The following ABHD12 variants were observed in gnomAD, a reference collection of about 807,000 sequenced individuals.
The protein encoded by ABHD12 is lysophosphatidylserine lipase ABHD12.
Under a neutral mutation model 58.3 loss-of-function variants are expected in ABHD12, and 43 were observed. The observed-to-expected ratio is 0.74, with a 90% CI of 0.58 to 0.95. ABHD12 has a LOEUF of 0.95. ABHD12 is among the 40% of genes least tolerant of loss of function. ABHD12 has a pLI of 0.00. For missense variants in ABHD12, 539 were observed against 537.2 expected (o/e 1.00, Z -0.03); for synonymous variants, 219 against 211.2 (o/e 1.04, Z -0.32).
chr20:25,296,496 C>T (rs1442299541), downstream of ABHD12: 3 of 1,613,644 alleles, frequency 1.9e-6, no homozygotes, highest in South Asian at 2.2e-5. Flanking sequence ...CCTGCAGATC[C>T]CGCCCCCCAA....
At chr20:25,343,726 C>T (rs1358652493) in intron 1 of ABHD12, among the ~76,000 whole-genome samples, 1 of 152,092 alleles carries the variant, frequency 6.6e-6, no homozygotes, top group Non-Finnish European at 1.5e-5. Flanking sequence ...ACCTGGGAGG[C>T]GGAGGTTGCA....
rs2089659462 is a variant in ABHD12, at chr20:25,355,765, G to A, written c.192-16414C>T. On this transcript the variant is annotated intron_variant, in intron 1 of 12. Transcript: ENST00000339157. ...GTAGAGACGGGGTTTCACCATGTTG[G>A]CCAGGATGGTCTCAATCTCCTGATC... 3.3e-5 allele frequency among the ~76,000 whole-genome samples: 5 copies of A among 152,256 alleles called. 1 individual carries two copies. Among genetic ancestry groups the A allele is most frequent in the African/African-American group, 1.2e-4 (5 of 41,550 alleles).
chr20:25,314,967 G>T lies in ABHD12; in HGVS notation c.577C>A (p.Leu193Met). 1 of 1,614,214 alleles carries T rather than the reference G, an allele frequency of 6.2e-7. No individual in the cohort carries two copies. Among genetic ancestry groups the T allele is most frequent in the East Asian group, 2.2e-5 (1 of 44,884 alleles). ...ACCACATGGTAACCAAGGGAACTCA[G>T]CACCTGTAAAGTGAAAAATAAACAT... ...GDHRVELYKV[L>M]SSLGYHVVTF... The change falls in exon 6 of 13, where the codon CTG (leucine) becomes ATG (methionine). Residue 193 changes from leucine (L) to methionine (M), a missense_variant. By Grantham distance (15) the Leu-to-Met change is conservative. Coordinates refer to ENST00000339157, the MANE Select transcript of ABHD12 (RefSeq NM_001042472.3).
intron 10 of ABHD12, among the ~76,000 whole-genome samples, chr20:25,304,257 G>A (rs376965852): frequency 5.1e-4 from 78 of 152,378 alleles, no homozygotes; most frequent in African/African-American, 1.6e-3. Flanking sequence ...AGCAGGACCC[G>A]GTGGGGAGCC....
At chr20:25,345,086 C>CTT (rs766065775) in intron 1 of ABHD12, among the ~76,000 whole-genome samples, 8 of 145,314 alleles carry the variant, frequency 5.5e-5, no homozygotes, top group Admixed American at 6.9e-5. Context: ...ATGACGAAGA[C>CTT]TTTTTTTTTT....
At chr20:25,365,069 G>A (rs1243461917) in intron 1 of ABHD12, among the ~76,000 whole-genome samples, 4 of 152,250 alleles carry the variant, frequency 2.6e-5, no homozygotes, top group Non-Finnish European at 5.9e-5. Context: ...AAGGCCTCAT[G>A]TGGCTGGCTG....
chr20:25,361,601 C>A (rs1219873375), intron 1 of ABHD12, among the ~76,000 whole-genome samples: 1 of 152,192 alleles, frequency 6.6e-6, no homozygotes. Flanking sequence ...ATCTTTCCAG[C>A]CAGCTGGTTA....
At chr20:25,389,583 G>A (rs199913693) in intron 1 of ABHD12, among the ~76,000 whole-genome samples, 1 of 152,170 alleles carries the variant, frequency 6.6e-6, no homozygotes, top group Non-Finnish European at 1.5e-5. Context: ...AGATAATTAG[G>A]AAACCAGCAG....
intron 1 of ABHD12, among the ~76,000 whole-genome samples, chr20:25,352,669 G>A (rs6115157): frequency 6.6e-6 from 1 of 152,114 alleles, no homozygotes. Flanking sequence ...CTCAAGCTCA[G>A]GACAGTGTTC....
intron 2 of ABHD12, among the ~76,000 whole-genome samples, chr20:25,335,722 C>A (rs1461941947): frequency 6.7e-6 from 1 of 149,278 alleles, no homozygotes; most frequent in Non-Finnish European, 1.5e-5. Flanking sequence ...AAACCAAACA[C>A]CGCATATTCT....
At chr20:25,299,123 C>T (rs2088595128), downstream of ABHD12, among the ~76,000 whole-genome samples, 1 of 152,236 alleles carries the variant, frequency 6.6e-6, no homozygotes, top group African/African-American at 2.4e-5. Context: ...AGTAGCTTGG[C>T]TGAGTGCAAT....
intron 1 of ABHD12, among the ~76,000 whole-genome samples, chr20:25,357,869 GGTGTCATGACAC>G (rs1032615005): frequency 3.9e-5 from 6 of 152,040 alleles, no homozygotes; most frequent in Admixed American, 3.3e-4. Flanking sequence ...AAATTAGCTG[GGTGTCATGACAC>G]GTGCTTGTAG....
At chr20:25,381,694 A>C (rs891074273) in intron 1 of ABHD12, among the ~76,000 whole-genome samples, 1 of 149,436 alleles carries the variant, frequency 6.7e-6, no homozygotes, top group Non-Finnish European at 1.5e-5. Context: ...GCTGGAGTGC[A>C]GTGGTGCAAT....
downstream of ABHD12, chr20:25,296,737 A>G (rs2088553242): frequency 1.6e-6 from 1 of 644,974 alleles, no homozygotes; most frequent in African/African-American, 1.8e-5. Context: ...AGGAAGCCAG[A>G]GTTGACAGTA....
At chr20:25,380,782 G>T (rs188654599) in intron 1 of ABHD12, among the ~76,000 whole-genome samples, 98 of 152,094 alleles carry the variant, frequency 6.4e-4, no homozygotes, top group African/African-American at 2.0e-3. Flanking sequence ...AAGGGTCTAG[G>T]TACCACCTGT....
At chr20:25,351,068 G>C (rs953673268) in intron 1 of ABHD12, among the ~76,000 whole-genome samples, 1 of 151,900 alleles carries the variant, frequency 6.6e-6, no homozygotes, top group South Asian at 2.1e-4. Flanking sequence ...CTCTCTCTTA[G>C]AGTATTGCCA....
Position 25,390,742 on chromosome 20 carries a change from G to GCCTCCGCC in ABHD12, c.-40_-39insGGCGGAGG. On this transcript the variant is annotated 5_prime_UTR_variant, in exon 1 of 13. Coordinates refer to ENST00000339157, the MANE Select transcript of ABHD12 (RefSeq NM_001042472.3). Reference sequence around the variant, plus strand: ...GGGCCAGCCGCCGACGGCGCCCGCTGGCCTGCGCCGCAGTGCCGCCGCTCA... The same window carrying GCCTCCGCC: ...GGGCCAGCCGCCGACGGCGCCCGCTGCCTCCGCCGCCTGCGCCGCAGTGCCGCCGCTCA... 8.0e-7 allele frequency: 1 copy of GCCTCCGCC among 1,254,792 alleles called. No individual in the cohort carries two copies. The highest frequency in any genetic ancestry group is 1.0e-6 in the Non-Finnish European group (1 of 999,516). The allele number at this position is 1,254,792 out of a possible 1,614,324, so 77.7% of individuals were successfully genotyped here.
chr20:25,311,820 T>A (rs904127158), intron 6 of ABHD12, among the ~76,000 whole-genome samples: 3 of 152,126 alleles, frequency 2.0e-5, no homozygotes, highest in African/African-American at 4.8e-5. Flanking sequence ...TCCTCCCACC[T>A]CAGCCTCCTG....
chr20:25,356,788 A>T (rs549108633), intron 1 of ABHD12, among the ~76,000 whole-genome samples: 2 of 152,206 alleles, frequency 1.3e-5, no homozygotes, highest in East Asian at 3.9e-4. Flanking sequence ...CATATGAATG[A>T]GGCAGGAAGG....
Sources: allele counts gnomAD v4.1 joint callset (sites outside exome capture counted in the v4.1 genomes callset), GRCh38; gene constraint gnomAD v4.1.1; transcripts MANE v1.5; gene names NCBI Gene and HGNC (gene_info 2026-07-23, HGNC 2026-07-21).